The following DLG2 variants were observed in gnomAD, a reference collection of about 807,000 sequenced individuals.
DLG2 encodes the protein discs large MAGUK scaffold protein 2, also known as disks large homolog 2.
DLG2 carries 45 observed loss-of-function variants against 132.5 expected under a neutral mutation model. The observed-to-expected ratio is 0.34, with a 90% CI of 0.27 to 0.44. The LOEUF is 0.44. Among genes scored for constraint, DLG2 ranks in the 20% least tolerant of loss-of-function variants. The pLI is 1.00. For synonymous variants in DLG2, 424 were observed against 419.6 expected (o/e 1.01, Z -0.13); for missense variants, 1,045 against 1,196.9 (o/e 0.87, Z 1.87).
intron 3 of DLG2, among the ~76,000 whole-genome samples, chr11:85,374,009 A>G (rs1327578129): frequency 6.6e-6 from 1 of 152,158 alleles, no homozygotes; most frequent in Non-Finnish European, 1.5e-5. Context: ...ACTCATAAGT[A>G]TTGTTCCTGA....
At chr11:85,145,408 C>G (rs2076774096) in intron 5 of DLG2, among the ~76,000 whole-genome samples, 1 of 152,072 alleles carries the variant, frequency 6.6e-6, no homozygotes, top group Non-Finnish European at 1.5e-5. Context: ...TTTAAATAAA[C>G]TTTCTTACCT....
intron 9 of DLG2, among the ~76,000 whole-genome samples, chr11:84,153,674 A>T (rs2095359691): frequency 6.6e-6 from 1 of 152,164 alleles, no homozygotes; most frequent in South Asian, 2.1e-4. Flanking sequence ...TCCTGTAGTG[A>T]ATTTTTCAGT....
chr11:85,427,477 T>C (rs2090850232), intron 3 of DLG2, among the ~76,000 whole-genome samples: 4 of 152,316 alleles, frequency 2.6e-5, no homozygotes, highest in African/African-American at 9.6e-5. Context: ...ATATTCAACT[T>C]TCTTAAAGAA....
At chr11:85,462,815 T>A (rs7104879) in intron 3 of DLG2, among the ~76,000 whole-genome samples, 123,707 of 150,552 alleles carry the variant, frequency 0.82, 51,458 homozygotes, top group Non-Finnish European at 0.91. Flanking sequence ...AAAAAAAAAA[T>A]GAAAACCTAA....
At chr11:84,098,855 G>A (rs1425765210) in intron 10 of DLG2, 68 bp downstream of exon 10, 8 of 1,528,216 alleles carry the variant, frequency 5.2e-6, no homozygotes, top group Non-Finnish European at 7.1e-6. Context: ...ATTCTTCAAA[G>A]GTACAAATGT....
At chr11:84,702,935 G>A (rs938121465) in intron 6 of DLG2, among the ~76,000 whole-genome samples, 3 of 151,500 alleles carry the variant, frequency 2.0e-5, no homozygotes, top group African/African-American at 7.3e-5. Flanking sequence ...ATTACTTATC[G>A]AGATAAAAAA....
rs950292563 is a variant in DLG2, at chr11:85,121,951, TTG to T, written c.283-10218_283-10217del. ...GTACATGGATATCTACATAAGAGTG[TTG>T]TGTGTGTGTGTAGTATGTATGTATG... is the stretch of plus-strand genomic sequence containing the variant. On this transcript the variant is annotated intron_variant, in intron 5 of 27. Coordinates refer to ENST00000376104, the MANE Select transcript of DLG2 (RefSeq NM_001142699.3). 3.9e-5 allele frequency among the ~76,000 whole-genome samples: 6 copies of T among 152,044 alleles called. No homozygotes were observed. The South Asian group carries it at 6.2e-4, about 16-fold the overall frequency.
At chr11:83,864,801 T>C (rs961563432) in intron 16 of DLG2, among the ~76,000 whole-genome samples, 8 of 147,602 alleles carry the variant, frequency 5.4e-5, no homozygotes, top group Non-Finnish European at 3.0e-5. Context: ...CTCTGAGGGA[T>C]TGAAATATAT....
chr11:84,526,244 A>T (rs1483163672), intron 7 of DLG2, among the ~76,000 whole-genome samples: 2 of 152,182 alleles, frequency 1.3e-5, no homozygotes, highest in Non-Finnish European at 2.9e-5. Flanking sequence ...AATGGATTTA[A>T]CTCCTCAAAT....
At chr11:84,119,080 T>G (rs1317818727) in intron 9 of DLG2, among the ~76,000 whole-genome samples, 4 of 152,060 alleles carry the variant, frequency 2.6e-5, no homozygotes, top group African/African-American at 9.7e-5. Context: ...TCCCTCAAAG[T>G]TTTTGTGCAT....
intron 10 of DLG2, among the ~76,000 whole-genome samples, chr11:84,089,634 T>C (rs780974832): frequency 6.6e-6 from 1 of 152,230 alleles, no homozygotes; most frequent in East Asian, 1.9e-4. Flanking sequence ...GAAATAAACA[T>C]GTATGTTGTC....
chr11:85,145,006 A>G (rs1463006680), intron 5 of DLG2, among the ~76,000 whole-genome samples: 1 of 152,074 alleles, frequency 6.6e-6, no homozygotes, highest in East Asian at 1.9e-4. Flanking sequence ...GGACAAGTCC[A>G]CTGTTGATGA....
chr11:84,339,090 A>G (rs1389472480), intron 7 of DLG2, among the ~76,000 whole-genome samples: 1 of 152,174 alleles, frequency 6.6e-6, no homozygotes, highest in Non-Finnish European at 1.5e-5. Context: ...CATATTATAA[A>G]GGGTTTTAGC....
intron 4 of DLG2, among the ~76,000 whole-genome samples, chr11:85,216,821 G>C (rs527505328): frequency 5.9e-4 from 89 of 151,860 alleles, no homozygotes; most frequent in African/African-American, 1.9e-3. Flanking sequence ...TCAGCCTCCC[G>C]AATAGCTGGG....
intron 8 of DLG2, among the ~76,000 whole-genome samples, chr11:84,236,488 G>A (rs1489028344): frequency 6.6e-6 from 1 of 152,188 alleles, no homozygotes; most frequent in African/African-American, 2.4e-5. Context: ...ATTTTTGGGG[G>A]CCCTTAGGCC....
chr11:84,915,292 C>A (rs913472731), intron 6 of DLG2, among the ~76,000 whole-genome samples: 4 of 152,004 alleles, frequency 2.6e-5, no homozygotes, highest in African/African-American at 9.7e-5. Flanking sequence ...GATTATAATA[C>A]ATTTAATCTT....
chr11:85,143,587 T>A (rs969728335), intron 5 of DLG2, among the ~76,000 whole-genome samples: 23 of 151,916 alleles, frequency 1.5e-4, no homozygotes, highest in African/African-American at 3.6e-4. Flanking sequence ...CATCTTACAA[T>A]TGCTTTTGCT....
intron 3 of DLG2, among the ~76,000 whole-genome samples, chr11:85,477,429 A>C (rs780649498): frequency 1.3e-5 from 2 of 152,238 alleles, no homozygotes; most frequent in Non-Finnish European, 2.9e-5. Context: ...ACCAGAAAAG[A>C]AATGGTCAAT....
At chr11:83,877,832 G>A (rs963012424) in intron 15 of DLG2, among the ~76,000 whole-genome samples, 6 of 152,186 alleles carry the variant, frequency 3.9e-5, no homozygotes, top group African/African-American at 1.4e-4. Context: ...TTGCAGGAGG[G>A]ATGCTTGTAG....
Sources: allele counts gnomAD v4.1 joint callset (sites outside exome capture counted in the v4.1 genomes callset), GRCh38; gene constraint gnomAD v4.1.1; transcripts MANE v1.5; gene names NCBI Gene and HGNC (gene_info 2026-07-23, HGNC 2026-07-21).